Variants in JUP observed in about 807,000 individuals in gnomAD.
JUP encodes the protein catenin (cadherin-associated protein), gamma 80kDa.
In JUP, 28 loss-of-function variants were observed where a neutral mutation model predicts 71.1. The observed-to-expected ratio is 0.39, with a 90% CI of 0.29 to 0.54. The LOEUF (loss-of-function observed/expected upper bound fraction) is 0.54, where lower values mean the gene tolerates loss of function less well. Among genes scored for constraint, JUP ranks in the 20% least tolerant of loss-of-function variants. The probability of loss-of-function intolerance (pLI) is 0.62; values close to 1 mark genes in which losing one functional copy is unlikely to be tolerated. For missense variants in JUP, 869 were observed against 1,030.1 expected, an observed-to-expected ratio of 0.84 and a Z score of 2.14; for synonymous variants, 401 against 438.9, an observed-to-expected ratio of 0.91 and a Z score of 1.08.
In JUP at chr17:41,758,875, C is replaced by CA. The variant is rs1555599887; in HGVS notation, c.1498-6dup. On this transcript the variant is annotated splice_region_variant and splice_polypyrimidine_tract_variant and intron_variant, in intron 8 of 13. Transcript: ENST00000393931. ...CCTGATCAAGCCGATGGTTGCCTGGCAAAAAAAGGGGCAGTGATCAGGGGC... is the reference window on the plus strand; with the variant it reads ...CCTGATCAAGCCGATGGTTGCCTGGCAAAAAAAAGGGGCAGTGATCAGGGGC... 3.1e-6 allele frequency: 5 copies of CA among 1,594,870 alleles called. No homozygotes were observed. Among genetic ancestry groups the CA allele is most frequent in the Admixed American group, 1.8e-5 (1 of 56,276 alleles).
rs1555597298 is a variant in JUP, at chr17:41,755,729, C to A, written c.*15G>T. The A allele has an allele frequency of 1.9e-6, 3 of 1,567,144 alleles. No homozygotes were observed. The highest frequency in any genetic ancestry group is 2.3e-5 in the East Asian group (1 of 44,172). ...AAAAGCCTGCAAAGAGGGGGCCGTACTGGGGCCAGGCCGCCTAGGCCAGCA... is the reference window on the plus strand; with the variant it reads ...AAAAGCCTGCAAAGAGGGGGCCGTAATGGGGCCAGGCCGCCTAGGCCAGCA... On this transcript the variant is annotated 3_prime_UTR_variant, in exon 14 of 14. Transcript: ENST00000393931.
chr17:41,764,837 C>T (rs1915445281), intron 6 of JUP, 21 bp from the exon 7 acceptor site: 1 of 1,613,446 alleles, frequency 6.2e-7, no homozygotes, highest in African/African-American at 1.3e-5. Flanking sequence ...GATAGGGGTG[C>T]CATCAGCCAC....
intron 1 of JUP, among the ~76,000 whole-genome samples, chr17:41,779,930 C>A (rs1555609906): frequency 1.3e-5 from 2 of 151,790 alleles, no homozygotes; most frequent in Non-Finnish European, 2.9e-5. Flanking sequence ...CCTGCCTCAA[C>A]CTTCAGAGCG....
intron 1 of JUP, among the ~76,000 whole-genome samples, chr17:41,773,685 TGGGGGGC>T (rs1216363490): frequency 4.7e-5 from 7 of 149,440 alleles, no homozygotes; most frequent in Non-Finnish European, 1.0e-4. Flanking sequence ...GGGGCAATGG[TGGGGGGC>T]GGGGGGCGGG....
At chr17:41,756,625 G>A (rs564295475) in intron 12 of JUP, among the ~76,000 whole-genome samples, 11 of 150,912 alleles carry the variant, frequency 7.3e-5, no homozygotes, top group South Asian at 4.2e-4. Flanking sequence ...TAGGCTGGGC[G>A]CAGTGGCTCA....
At chr17:41,767,664 C>G in intron 4 of JUP, 84 bp from the exon 5 acceptor site, 1 of 1,114,114 alleles carries the variant, frequency 9.0e-7, no homozygotes. Context: ...CCACCTCCCC[C>G]AGGAAGCCTC....
In JUP at chr17:41,763,087, G is replaced by A. The variant is rs782513393; in HGVS notation, c.1393C>T (p.Arg465Cys). ...TGGGCCATCTCGGCCTCAGGGTGGC[G>A]GCTAGTGAGGTGGCGCAGAGCGCAG... ...AVCALRHLTS[R>C]HPEAEMAQNS... The change falls in exon 8 of 14, where the codon CGC becomes TGC. Residue 465 changes from arginine to cysteine, a missense_variant. Arg to Cys is a radical substitution (Grantham distance 180). Coordinates refer to ENST00000393931, the MANE Select transcript of JUP (RefSeq NM_002230.4). 22 of 1,613,940 alleles carry A rather than the reference G, an allele frequency of 1.4e-5. No individual in the cohort carries two copies. The South Asian group carries it at 1.5e-4, about 11-fold the overall frequency.
chr17:41,779,541 G>T (rs370688384), intron 1 of JUP, among the ~76,000 whole-genome samples: 43 of 152,052 alleles, frequency 2.8e-4, no homozygotes, highest in African/African-American at 1.0e-3. Flanking sequence ...TGTTAGCCAG[G>T]ATGGTCTCGA....
chr17:41,758,690 T>C, intron 9 of JUP, 25 bp downstream of exon 9: 1 of 1,597,554 alleles, frequency 6.3e-7, no homozygotes, highest in Admixed American at 1.7e-5. Context: ...AGGAAGGCTG[T>C]CAGAGGCACC....
intron 8 of JUP, among the ~76,000 whole-genome samples, chr17:41,762,176 A>AGTGTGTGTGTGT (rs137970272): frequency 1.6e-3 from 72 of 44,792 alleles, no homozygotes; most frequent in African/African-American, 7.3e-3. Context: ...AGAGAGAGAG[A>AGTGTGTGTGTGT]GTGTGTGTGT....
At chr17:41,762,942 C>T in intron 8 of JUP, 41 bp downstream of exon 8, 2 of 1,579,436 alleles carry the variant, frequency 1.3e-6, no homozygotes, top group Non-Finnish European at 1.7e-6. Context: ...AGCACCTAAG[C>T]CTGCTGCAGG....
Position 41,771,641 on chromosome 17 carries a change from C to A in JUP, c.208+6G>T. ...GCCCCATGCAATAGTCCCCAGGGGT[C>A]CTGACCTTGGCTGGGGGGCACCCCC... On this transcript the variant is annotated splice_donor_region_variant and intron_variant, in intron 2 of 13. Transcript: ENST00000393931. 6.2e-7 allele frequency: 1 copy of A among 1,612,426 alleles called. No individual in the cohort carries two copies. Among genetic ancestry groups the A allele is most frequent in the Non-Finnish European group, 8.5e-7 (1 of 1,179,778 alleles).
At chr17:41,771,999 G>T in intron 1 of JUP, 137 bp from the exon 2 acceptor site, 1 of 851,520 alleles carries the variant, frequency 1.2e-6, no homozygotes, top group Non-Finnish European at 1.9e-6. Context: ...GCAGGCTGGG[G>T]ATGGGGGGAC....
Position 41,767,449 on chromosome 17 carries a change from T to C in JUP, c.839A>G (p.Asn280Ser). 6.2e-7 allele frequency: 1 copy of C among 1,614,096 alleles called. No individual in the cohort carries two copies. Among genetic ancestry groups the C allele is most frequent in the Non-Finnish European group, 8.5e-7 (1 of 1,180,028 alleles). The change falls in exon 5 of 14, where the codon AAC (asparagine) becomes AGC (serine). Residue 280 changes from asparagine to serine, a missense_variant. Transcript: ENST00000393931. Reference sequence around the variant, plus strand: ...GGTGATGGCCAGGAACTTGGGGTTGTTCTTGTTGAGCAGGGGCACCATCTT... The same window carrying C: ...GGTGATGGCCAGGAACTTGGGGTTGCTCTTGTTGAGCAGGGGCACCATCTT... Reference protein sequence around the residue: ...LQKMVPLLNKNNPKFLAITTD... With the variant: ...LQKMVPLLNKSNPKFLAITTD...
At chr17:41,759,522 T>G (rs1237092109) in intron 8 of JUP, among the ~76,000 whole-genome samples, 1 of 149,428 alleles carries the variant, frequency 6.7e-6, no homozygotes, top group East Asian at 2.0e-4. Flanking sequence ...CTGATAGTCC[T>G]CCAAGCCTGA....
chr17:41,785,486 G>C (rs946795486), intron 1 of JUP, among the ~76,000 whole-genome samples: 8 of 152,086 alleles, frequency 5.3e-5, no homozygotes, highest in Non-Finnish European at 1.2e-4. Flanking sequence ...GGCCCCTGGG[G>C]CCCAGCGAAC....
Position 41,755,860 on chromosome 17 carries a change from C to G in JUP, c.2122G>C (p.Asp708His). 6.2e-7 allele frequency: 1 copy of G among 1,612,634 alleles called. No homozygotes were observed. Among genetic ancestry groups the G allele is most frequent in the East Asian group, 2.2e-5 (1 of 44,810 alleles). ...ATCTCCAGCGGGTCAAGGGGCACAT[C>G]GCTGGAGTACATGGGGCGGTAGGTG... ...DATYRPMYSS[D>H]VPLDPLEMHM... Residue 708 changes from aspartate (D) to histidine (H), a missense_variant, in exon 14 of 14, where the codon GAT becomes CAT. Coordinates refer to ENST00000393931, the MANE Select transcript of JUP (RefSeq NM_002230.4).
At chr17:41,766,958 G>C (rs562910943) in intron 5 of JUP, among the ~76,000 whole-genome samples, 1 of 151,188 alleles carries the variant, frequency 6.6e-6, no homozygotes, top group African/African-American at 2.4e-5. Flanking sequence ...GAGGTAGGAG[G>C]ATCATCTGAG....
At chr17:41,772,582 G>C (rs1328431975) in intron 1 of JUP, among the ~76,000 whole-genome samples, 1 of 152,122 alleles carries the variant, frequency 6.6e-6, no homozygotes, top group Non-Finnish European at 1.5e-5. Context: ...GAACCTCAGT[G>C]TCCTCATCTG....
Sources: gnomAD v4.1 joint callset for allele counts (sites outside exome capture counted in the v4.1 genomes callset) on GRCh38, gnomAD v4.1.1 for gene constraint, MANE v1.5 for transcripts, NCBI Gene and HGNC (gene_info 2026-07-23, HGNC 2026-07-21) for gene names.